RBFOX3: variants seen among roughly 807,000 people sequenced by gnomAD.
RBFOX3 encodes the protein RNA binding fox-1 homolog 3.
A neutral mutation model predicts 48.7 loss-of-function variants in RBFOX3; 17 were observed. The observed-to-expected ratio is 0.35, with a 90% CI of 0.24 to 0.52. The LOEUF is 0.52. RBFOX3 is among the 20% of genes least tolerant of loss of function. RBFOX3 has a pLI of 0.94. For synonymous variants in RBFOX3, 212 were observed against 209.5 expected (o/e 1.01, Z -0.10); for missense variants, 382 against 497.5 (o/e 0.77, Z 2.21).
chr17:79,167,505 A>G (rs1245887117), intron 4 of RBFOX3, among the ~76,000 whole-genome samples: 2 of 152,044 alleles, frequency 1.3e-5, no homozygotes, highest in Admixed American at 6.5e-5. Flanking sequence ...GCAGCCTCCC[A>G]TGGGTCATGG....
chr17:79,278,306 C>A (rs143224225), intron 3 of RBFOX3, among the ~76,000 whole-genome samples: 4 of 152,342 alleles, frequency 2.6e-5, no homozygotes, highest in South Asian at 4.1e-4. Flanking sequence ...CCTCTGCCCC[C>A]CTCCTCAGAA....
chr17:79,656,815 G>GAAAGAAAGAAAGAAAA, the RBFOX3 span, among the ~76,000 whole-genome samples: 3 of 51,902 alleles, frequency 5.8e-5, no homozygotes, highest in African/African-American at 1.3e-4. Flanking sequence ...AGAAAAGAAA[G>GAAAGAAAGAAAGAAAA]AGAAAGAAAG....
intron 4 of RBFOX3, among the ~76,000 whole-genome samples, chr17:79,116,650 T>C (rs1311527820): frequency 6.6e-6 from 1 of 152,218 alleles, no homozygotes; most frequent in African/African-American, 2.4e-5. Flanking sequence ...CTGCCAGTGA[T>C]GGCCATGACA....
intron 4 of RBFOX3, among the ~76,000 whole-genome samples, chr17:79,165,094 G>A (rs1240848943): frequency 6.6e-6 from 1 of 152,180 alleles, no homozygotes; most frequent in African/African-American, 2.4e-5. Context: ...GGTGGGAGGG[G>A]GAGGCATGGG....
At position 79,464,151 on chromosome 17, in the gene RBFOX3, T is replaced by C. The variant is rs189293512; in HGVS notation, c.-175+18303A>G. Among the ~76,000 whole-genome samples, 8 of 152,218 alleles carry C rather than the reference T, an allele frequency of 5.3e-5. No individual in the cohort carries two copies. The East Asian group carries it at 1.4e-3, about 26-fold the overall frequency. ...AAATCCAGATGGGAAGACGCAGGAGTGCACCAGCTCCTCGTGCTCTGTGGC... is the reference window on the plus strand; with the variant it reads ...AAATCCAGATGGGAAGACGCAGGAGCGCACCAGCTCCTCGTGCTCTGTGGC... On this transcript the variant is annotated intron_variant, in intron 2 of 14. Coordinates refer to ENST00000693108, the MANE Select transcript of RBFOX3 (RefSeq NM_001350451.2).
At chr17:79,484,534 A>G (rs1346335016) in intron 1 of RBFOX3, among the ~76,000 whole-genome samples, 3 of 5,720 alleles carry the variant, frequency 5.2e-4, no homozygotes, top group African/African-American at 1.1e-3. Context: ...GCCTGGGTGC[A>G]GGGGCCTGGG....
At chr17:79,408,116 G>C (rs1476443910) in intron 2 of RBFOX3, among the ~76,000 whole-genome samples, 3 of 152,152 alleles carry the variant, frequency 2.0e-5, no homozygotes, top group Admixed American at 6.5e-5. Context: ...CTGTTTGCTG[G>C]TCTGTGAAGT....
chr17:79,615,660 G>T (rs903075742), upstream of RBFOX3, among the ~76,000 whole-genome samples: 1 of 152,124 alleles, frequency 6.6e-6, no homozygotes. Context: ...TCCTTTCCAC[G>T]CACTGCCACC....
intron 4 of RBFOX3, among the ~76,000 whole-genome samples, chr17:79,118,096 C>A (rs1318050485): frequency 2.0e-5 from 3 of 152,068 alleles, no homozygotes; most frequent in African/African-American, 7.2e-5. Flanking sequence ...CTCCCTGAAG[C>A]CCCCAGTGCC....
At position 79,239,085 on chromosome 17, in the gene RBFOX3, GC is replaced by G. The variant is rs1374809539; in HGVS notation, c.-73-3281del. 3.9e-5 allele frequency among the ~76,000 whole-genome samples: 6 copies of G among 152,194 alleles called. No individual in the cohort carries two copies. The East Asian group carries it at 9.7e-4, about 24-fold the overall frequency. On this transcript the variant is annotated intron_variant, in intron 3 of 14. Transcript: ENST00000693108. ...GTGCAGAGCAGCCCACAATTTGGGA[GC>G]AACCAACTCCAGTGGTGGCCTGGTT...
chr17:79,254,173 T>A lies in RBFOX3; in HGVS notation c.-73-18368A>T, dbSNP rs755493510. Among the ~76,000 whole-genome samples, 6 of 152,148 alleles carry A rather than the reference T, an allele frequency of 3.9e-5. No individual in the cohort carries two copies. The highest frequency in any genetic ancestry group is 8.8e-5 in the Non-Finnish European group (6 of 68,014). ...GGACACAGGAGCCTCACAGAAGTCA[T>A]TTGCTGAGTTTTGCAGTTCATGAGA... On this transcript the variant is annotated intron_variant, in intron 3 of 14. Coordinates refer to ENST00000693108, the MANE Select transcript of RBFOX3 (RefSeq NM_001350451.2). This position sits in a 1 kb window ranked among gnomAD's most constrained non-coding sequence, Gnocchi z 4.8.
chr17:79,476,480 A>G (rs1175924807), intron 2 of RBFOX3, among the ~76,000 whole-genome samples: 1 of 152,246 alleles, frequency 6.6e-6, no homozygotes, highest in Non-Finnish European at 1.5e-5. Context: ...ATGGGACAAA[A>G]TATCACAAAT....
chr17:79,656,697 GA>G, the RBFOX3 span, among the ~76,000 whole-genome samples: 1 of 21,672 alleles, frequency 4.6e-5, no homozygotes. Flanking sequence ...AGGAAGGAAG[GA>G]AGGAAGGAAG....
At chr17:79,163,607 A>G (rs536347833) in intron 4 of RBFOX3, among the ~76,000 whole-genome samples, 1 of 152,340 alleles carries the variant, frequency 6.6e-6, no homozygotes, top group South Asian at 2.1e-4. Context: ...CACCTGGACC[A>G]GACTGGTGCT....
intron 1 of RBFOX3, among the ~76,000 whole-genome samples, chr17:79,583,954 G>A (rs1423734716): frequency 6.6e-6 from 1 of 152,120 alleles, no homozygotes; most frequent in African/African-American, 2.4e-5. Context: ...GGGATGGAGA[G>A]CACAGAGGGA....
chr17:79,356,303 A>G (rs9899080), intron 2 of RBFOX3, among the ~76,000 whole-genome samples: 143,810 of 146,440 alleles, frequency 0.98, 70,661 homozygotes, highest in East Asian at 1. Context: ...ATGCCAAGGT[A>G]CCTCTGCCGT....
At chr17:79,617,141 A>G in the RBFOX3 span, among the ~76,000 whole-genome samples, 1 of 152,152 alleles carries the variant, frequency 6.6e-6, no homozygotes, top group Non-Finnish European at 1.5e-5. Context: ...CAGTGGGAGC[A>G]GCTTTCTCCC....
intron 4 of RBFOX3, among the ~76,000 whole-genome samples, chr17:79,149,575 C>T (rs773801051): frequency 6.6e-6 from 1 of 152,038 alleles, no homozygotes; most frequent in Non-Finnish European, 1.5e-5. Flanking sequence ...TGGGGGGGTC[C>T]GTGGACGATT....
intron 1 of RBFOX3, among the ~76,000 whole-genome samples, chr17:79,602,234 T>A (rs2145373007): frequency 6.6e-6 from 1 of 152,310 alleles, no homozygotes; most frequent in East Asian, 1.9e-4. Context: ...CTCCCGCCCT[T>A]TGGCCATCAG....
Sources: gnomAD v4.1 joint callset for allele counts (sites outside exome capture counted in the v4.1 genomes callset) on GRCh38, gnomAD v4.1.1 for gene constraint, Gnocchi (gnomAD v3.1) non-coding constraint, MANE v1.5 for transcripts, NCBI Gene and HGNC (gene_info 2026-07-23, HGNC 2026-07-21) for gene names.